The following SH3BP4 variants were observed in gnomAD, a reference collection of about 807,000 sequenced individuals.
SH3BP4 encodes SH3 domain-binding protein 4.
SH3BP4 carries 33 observed loss-of-function variants against 65.5 expected under a neutral mutation model. That is an observed-to-expected ratio of 0.50 (90% CI 0.38 to 0.67). The LOEUF (loss-of-function observed/expected upper bound fraction) is 0.67, where lower values mean the gene tolerates loss of function less well. SH3BP4 is among the 30% of genes least tolerant of loss of function. The pLI is 0.00. For synonymous variants in SH3BP4, 552 were observed against 545.5 expected, an observed-to-expected ratio of 1.01 and a Z score of -0.17; for missense variants, 1,134 against 1,261.4, an observed-to-expected ratio of 0.90 and a Z score of 1.53.
In SH3BP4 at chr2:234,997,487, C is replaced by G. The variant is rs1345002786; in HGVS notation, c.-133+2111C>G. On this transcript the variant is annotated intron_variant, in intron 2 of 5. Coordinates refer to ENST00000392011, the MANE Select transcript of SH3BP4 (RefSeq NM_014521.3). This position sits in a 1 kb window ranked among gnomAD's most constrained non-coding sequence, Gnocchi z 4.2. ...CTGGTGTCCTTCAGGATGAAGGAGG[C>G]AGCAGAAATGCTCCCTGACTCAGTT... Among the ~76,000 whole-genome samples, 1 of 152,178 alleles carries G rather than the reference C, an allele frequency of 6.6e-6. No homozygotes were observed. The highest frequency in any genetic ancestry group is 1.9e-4 in the East Asian group (1 of 5,182).
intron 2 of SH3BP4, among the ~76,000 whole-genome samples, chr2:235,008,970 G>A (rs1218976460): frequency 6.6e-6 from 1 of 152,198 alleles, no homozygotes; most frequent in Non-Finnish European, 1.5e-5. Flanking sequence ...CAGGGGCTGG[G>A]CTGACATTTG....
chr2:235,025,549 G>A (rs929708783), intron 2 of SH3BP4, among the ~76,000 whole-genome samples: 1 of 152,200 alleles, frequency 6.6e-6, no homozygotes, highest in Non-Finnish European at 1.5e-5. Context: ...ACCAAGCTTC[G>A]GAGGCCCCCG....
At chr2:235,039,768 A>G (rs1271487176) in intron 3 of SH3BP4, among the ~76,000 whole-genome samples, 2 of 152,242 alleles carry the variant, frequency 1.3e-5, no homozygotes, top group Non-Finnish European at 2.9e-5. Context: ...GGTAACATAC[A>G]GAGTTCAATG....
Position 235,042,979 on chromosome 2 carries a change from C to G in SH3BP4, c.2210C>G (p.Thr737Ser). 6.2e-7 allele frequency: 1 copy of G among 1,612,452 alleles called. No homozygotes were observed. The highest frequency in any genetic ancestry group is 1.1e-5 in the South Asian group (1 of 91,054). ...PSLCSGPELSTSVLLEQILRP... is the reference protein window; with the variant it reads ...PSLCSGPELSSSVLLEQILRP... ...CTGTGCTCGGGCCCCGAGCTGAGCA[C>G]CTCGGTGCTGCTGGAGCAGATCCTG... Residue 737 changes from threonine to serine, a missense_variant, in exon 4 of 6, where the codon ACC becomes AGC. By Grantham distance (58) the Thr-to-Ser change is moderately conservative. Transcript: ENST00000392011. This position sits in a 1 kb window ranked among gnomAD's most constrained non-coding sequence, Gnocchi z 7.3.
At chr2:234,996,541 T>C (rs1038721431) in intron 2 of SH3BP4, among the ~76,000 whole-genome samples, 1 of 152,228 alleles carries the variant, frequency 6.6e-6, no homozygotes, top group Non-Finnish European at 1.5e-5. Flanking sequence ...CCTCAGCGAC[T>C]TGAAACACTT....
chr2:235,019,646 G>T lies in SH3BP4; in HGVS notation c.-132-15225G>T, dbSNP rs1022574342. On this transcript the variant is annotated intron_variant, in intron 2 of 5. Transcript: ENST00000392011. ...AGATGGGGTTTCACCATGTTGGTCA[G>T]TCTGGTCTCGAACTCCTGACCTCAG... Among the ~76,000 whole-genome samples, 11 of 151,832 alleles carry T rather than the reference G, an allele frequency of 7.2e-5. No individual in the cohort carries two copies. The East Asian group carries it at 1.9e-3, about 27-fold the overall frequency.
At chr2:235,031,565 G>T (rs972233844) in intron 2 of SH3BP4, among the ~76,000 whole-genome samples, 3 of 152,166 alleles carry the variant, frequency 2.0e-5, no homozygotes, top group Non-Finnish European at 2.9e-5. Flanking sequence ...CTTCACCACC[G>T]CGTTCCGCCA....
At chr2:234,969,839 G>A (rs909661370) in intron 1 of SH3BP4, among the ~76,000 whole-genome samples, 5 of 151,956 alleles carry the variant, frequency 3.3e-5, no homozygotes, top group Admixed American at 6.6e-5. Context: ...GTGCTTGCGC[G>A]CACACACACA....
chr2:234,957,979 C>T (rs967574904), intron 1 of SH3BP4, among the ~76,000 whole-genome samples: 1 of 152,162 alleles, frequency 6.6e-6, no homozygotes, highest in African/African-American at 2.4e-5. Flanking sequence ...ACGTGTCCTA[C>T]ACTGATGAGG....
At chr2:234,984,803 C>G (rs1693496604) in intron 1 of SH3BP4, among the ~76,000 whole-genome samples, 1 of 152,018 alleles carries the variant, frequency 6.6e-6, no homozygotes, top group Non-Finnish European at 1.5e-5. Context: ...GAGACAAGGA[C>G]TTGGGTGCTG....
chr2:234,980,969 G>C (rs1693359841), intron 1 of SH3BP4, among the ~76,000 whole-genome samples: 1 of 152,082 alleles, frequency 6.6e-6, no homozygotes, highest in Non-Finnish European at 1.5e-5. Context: ...TCTGCCCACT[G>C]CAACCTCCGC....
intron 3 of SH3BP4, among the ~76,000 whole-genome samples, chr2:235,037,865 C>A (rs1418919883): frequency 6.6e-6 from 1 of 152,092 alleles, no homozygotes; most frequent in Admixed American, 6.6e-5. Context: ...GGTTTTGGTT[C>A]ACTCCCATCT....
chr2:235,049,631 TCAA>T (rs2106342863), intron 4 of SH3BP4, among the ~76,000 whole-genome samples: 1 of 152,326 alleles, frequency 6.6e-6, no homozygotes, highest in East Asian at 1.9e-4. Flanking sequence ...ACAAATCTAG[TCAA>T]CATTTAATTT....
intron 1 of SH3BP4, among the ~76,000 whole-genome samples, chr2:234,982,300 A>G (rs1693411749): frequency 6.6e-6 from 1 of 152,034 alleles, no homozygotes; most frequent in Non-Finnish European, 1.5e-5. Context: ...GTGGCTTTGC[A>G]GGGTTTTGTC....
intron 3 of SH3BP4, among the ~76,000 whole-genome samples, chr2:235,038,238 T>A (rs1468288630): frequency 1.4e-5 from 1 of 71,926 alleles, no homozygotes; most frequent in Non-Finnish European, 2.6e-5. Flanking sequence ...TATATGTATT[T>A]TATATATATA....
chr2:235,035,476 C>T lies in SH3BP4; in HGVS notation c.118+356C>T, dbSNP rs539962631. Among the ~76,000 whole-genome samples, 2 of 152,250 alleles carry T rather than the reference C, an allele frequency of 1.3e-5. No individual in the cohort carries two copies. The highest frequency in any genetic ancestry group is 2.9e-5 in the Non-Finnish European group (2 of 68,030). On this transcript the variant is annotated intron_variant, in intron 3 of 5. Transcript: ENST00000392011. This position sits in a 1 kb window ranked among gnomAD's most constrained non-coding sequence, Gnocchi z 5.0. Reference sequence around the variant, plus strand: ...CACTAGAGAAGAAAAAAGGTAGCTTCGGGGAGAGGTCAGCAAACCTTTTCT... The same window carrying T: ...CACTAGAGAAGAAAAAAGGTAGCTTTGGGGAGAGGTCAGCAAACCTTTTCT...
chr2:235,020,516 A>T (rs1694820593), intron 2 of SH3BP4, among the ~76,000 whole-genome samples: 1 of 152,200 alleles, frequency 6.6e-6, no homozygotes, highest in Non-Finnish European at 1.5e-5. Flanking sequence ...GAGCAGAAAA[A>T]ATAAGTGACT....
At chr2:234,970,796 G>C (rs531200686) in intron 1 of SH3BP4, among the ~76,000 whole-genome samples, 1 of 152,194 alleles carries the variant, frequency 6.6e-6, no homozygotes, top group South Asian at 2.1e-4. Context: ...TTAGCGCTGG[G>C]GATCAGGATC....
chr2:235,020,932 G>A (rs1347510357), intron 2 of SH3BP4, among the ~76,000 whole-genome samples: 1 of 152,148 alleles, frequency 6.6e-6, no homozygotes, highest in Non-Finnish European at 1.5e-5. Flanking sequence ...TCATAATCTT[G>A]ACACCAGGGA....
Sources: gnomAD v4.1 joint callset for allele counts (sites outside exome capture counted in the v4.1 genomes callset) on GRCh38, gnomAD v4.1.1 for gene constraint, Gnocchi (gnomAD v3.1) non-coding constraint, MANE v1.5 for transcripts, NCBI Gene and HGNC (gene_info 2026-07-23, HGNC 2026-07-21) for gene names.